Variants in LHFPL5 observed in about 807,000 individuals in gnomAD.
The protein encoded by LHFPL5 is LHFPL tetraspan subfamily member 5.
LHFPL5 carries 12 observed loss-of-function variants against 18.7 expected under a neutral mutation model. That is an observed-to-expected ratio of 0.64 (90% CI 0.41 to 1.04). The LOEUF is 1.04. Among genes scored for constraint, LHFPL5 ranks in the 50% least tolerant of loss-of-function variants. The pLI is 0.00. For synonymous variants in LHFPL5, 111 were observed against 120.2 expected, an observed-to-expected ratio of 0.92 and a Z score of 0.50; for missense variants, 259 against 292.1, an observed-to-expected ratio of 0.89 and a Z score of 0.83.
chr6:35,808,567 A>G (rs1251019402), intron 1 of LHFPL5, among the ~76,000 whole-genome samples: 2 of 10,352 alleles, frequency 1.9e-4, no homozygotes, highest in Non-Finnish European at 3.1e-4. Flanking sequence ...TTTTATACAT[A>G]TATATATATA....
intron 1 of LHFPL5, among the ~76,000 whole-genome samples, chr6:35,812,257 CCTT>C (rs778769765): frequency 2.6e-5 from 4 of 152,178 alleles, no homozygotes; most frequent in Non-Finnish European, 5.9e-5. Flanking sequence ...GACCTCCTGA[CCTT>C]CTTTGTAGAA....
At chr6:35,819,507 G>T (rs981838821) in intron 3 of LHFPL5, 44 bp downstream of exon 3, 2 of 1,578,810 alleles carry the variant, frequency 1.3e-6, no homozygotes, top group Admixed American at 3.4e-5. Flanking sequence ...CCTTAGAAAG[G>T]CTGGGGCTCT....
At chr6:35,812,585 G>T (rs374560445) in intron 1 of LHFPL5, among the ~76,000 whole-genome samples, 2 of 152,198 alleles carry the variant, frequency 1.3e-5, no homozygotes, top group African/African-American at 4.8e-5. Context: ...AGTCAAGTAA[G>T]GCACAGGGTG....
Position 35,814,609 on chromosome 6 carries a change from G to C in LHFPL5, c.476G>C (p.Arg159Pro), listed in dbSNP as rs139179263. Residue 159 changes from arginine to proline, a missense_variant, in exon 2 of 4, where the codon CGC becomes CCC. Transcript: ENST00000360215. This position sits in a 1 kb window ranked among gnomAD's most constrained non-coding sequence, Gnocchi z 4.2. ...PDGWDSSEVRRMCGEQTGKYT... is the reference protein window; with the variant it reads ...PDGWDSSEVRPMCGEQTGKYT... Reference sequence around the variant, plus strand: ...GGTTGGGACTCAAGTGAGGTGCGGCGCATGTGTGGGGAGCAGACGGGCAAG... The same window carrying C: ...GGTTGGGACTCAAGTGAGGTGCGGCCCATGTGTGGGGAGCAGACGGGCAAG... 2 of 1,614,074 alleles carry C rather than the reference G, an allele frequency of 1.2e-6. No homozygotes were observed. Among genetic ancestry groups the C allele is most frequent in the African/African-American group, 1.3e-5 (1 of 74,928 alleles).
chr6:35,807,526 C>A (rs995716491), intron 1 of LHFPL5, among the ~76,000 whole-genome samples: 2 of 152,084 alleles, frequency 1.3e-5, no homozygotes, highest in Non-Finnish European at 2.9e-5. Context: ...AGGAGTAGTG[C>A]CGGGGACTGG....
chr6:35,816,177 CAAAAA>C (rs60374883), intron 2 of LHFPL5, among the ~76,000 whole-genome samples: 1 of 60,576 alleles, frequency 1.7e-5, no homozygotes. Flanking sequence ...GACTCCGTCT[CAAAAA>C]AAAAAAAAAA....
rs1768911937 is a variant in LHFPL5, at chr6:35,823,438, CACATAT to C, written c.*475_*480del. Reference sequence around the variant, plus strand: ...ACACACACACACATACATACACACACACATATATATACACACACACACACACACACA... The same window carrying C: ...ACACACACACACATACATACACACACATATACACACACACACACACACACA... On this transcript the variant is annotated 3_prime_UTR_variant, in exon 4 of 4. Transcript: ENST00000360215. 8.5e-6 allele frequency: 1 copy of C among 117,932 alleles called. No individual in the cohort carries two copies. The highest frequency in any genetic ancestry group is 3.8e-5 in the African/African-American group (1 of 26,620). The allele number at this position is 117,932 out of a possible 1,614,324, so 7.3% of individuals were successfully genotyped here. A position where few individuals can be genotyped will look rare whatever the true frequency, so the allele number is the denominator to read the frequency against.
chr6:35,810,189 C>A (rs1481897264), intron 1 of LHFPL5, among the ~76,000 whole-genome samples: 1 of 152,152 alleles, frequency 6.6e-6, no homozygotes, highest in South Asian at 2.1e-4. Context: ...CAATCCCATT[C>A]GTGGAGGGCC....
chr6:35,822,115 CT>C (rs1768879296), intron 3 of LHFPL5, among the ~76,000 whole-genome samples: 1 of 151,912 alleles, frequency 6.6e-6, no homozygotes. Flanking sequence ...TCTCGAACTC[CT>C]GGGTTCAAGT....
At chr6:35,807,528 G>A (rs548600274) in intron 1 of LHFPL5, among the ~76,000 whole-genome samples, 11 of 152,088 alleles carry the variant, frequency 7.2e-5, no homozygotes, top group Non-Finnish European at 1.3e-4. Context: ...GAGTAGTGCC[G>A]GGGACTGGAA....
chr6:35,819,611 G>A (rs1768828777), intron 3 of LHFPL5, 148 bp downstream of exon 3: 1 of 759,084 alleles, frequency 1.3e-6, no homozygotes, highest in East Asian at 2.7e-5. Context: ...ACACCCCACT[G>A]GGGCAGGAGC....
chr6:35,815,402 C>A (rs1056822316), intron 2 of LHFPL5, among the ~76,000 whole-genome samples: 5 of 152,098 alleles, frequency 3.3e-5, no homozygotes, highest in Non-Finnish European at 5.9e-5. Context: ...CTTCCCATTA[C>A]TCCCTTCTTC....
intron 3 of LHFPL5, among the ~76,000 whole-genome samples, chr6:35,820,619 G>A (rs897598310): frequency 2.1e-4 from 32 of 152,036 alleles, no homozygotes; most frequent in South Asian, 2.1e-4. Flanking sequence ...AGAATGGTGT[G>A]AACCCAGGAG....
chr6:35,807,040 C>T (rs1161642181), intron 1 of LHFPL5, among the ~76,000 whole-genome samples: 1 of 152,116 alleles, frequency 6.6e-6, no homozygotes, highest in Admixed American at 6.6e-5. Context: ...GTTGCCCAGG[C>T]AGGTCTTGAA....
chr6:35,806,524 T>A (rs944492095), intron 1 of LHFPL5, among the ~76,000 whole-genome samples: 9 of 152,194 alleles, frequency 5.9e-5, no homozygotes, highest in African/African-American at 2.2e-4. Flanking sequence ...AAGCACATTC[T>A]AGATGCCTTC....
rs1458872576 is a variant in LHFPL5 at position 35,806,061 on chromosome 6, G to T, written c.391G>T (p.Ala131Ser). Reference sequence around the variant, plus strand: ...CACGGCCACAGTCTATAAGATCTGTGCATGGATGCAGCTGGCTGCGGGTAA... The same window carrying T: ...CACGGCCACAGTCTATAAGATCTGTTCATGGATGCAGCTGGCTGCGGGTAA... Reference protein sequence around the residue: ...CNTATVYKICAWMQLAAATGL... With the variant: ...CNTATVYKICSWMQLAAATGL... Residue 131 changes from alanine to serine, a missense_variant, in exon 1 of 4, where the codon GCA (alanine) becomes TCA (serine). By Grantham distance (99) the Ala-to-Ser change is moderately conservative. Transcript: ENST00000360215. 1 of 1,613,976 alleles carries T rather than the reference G, an allele frequency of 6.2e-7. No individual in the cohort carries two copies. The highest frequency in any genetic ancestry group is 1.3e-5 in the African/African-American group (1 of 74,928).
At position 35,823,799 on chromosome 6, in the gene LHFPL5, C is replaced by T. The variant is rs891642279; in HGVS notation, c.*834C>T. 2 of 152,038 alleles carry T rather than the reference C, an allele frequency of 1.3e-5. No individual in the cohort carries two copies. The highest frequency in any genetic ancestry group is 4.8e-5 in the African/African-American group (2 of 41,388). 9.4% of individuals were successfully genotyped at this position (152,038 alleles called of 1,614,324 possible). On this transcript the variant is annotated 3_prime_UTR_variant, in exon 4 of 4. Transcript: ENST00000360215. ...CCCACACTGACTCAACCAGAACTGG[C>T]TACCAGCTTCAGAAATGTGTTACTT...
chr6:35,806,663 A>G (rs1321695912), intron 1 of LHFPL5, among the ~76,000 whole-genome samples: 1 of 152,178 alleles, frequency 6.6e-6, no homozygotes, highest in Non-Finnish European at 1.5e-5. Flanking sequence ...ACTATTATGC[A>G]GGGTATGACC....
intron 1 of LHFPL5, among the ~76,000 whole-genome samples, chr6:35,808,524 G>GTA (rs139602455): frequency 0.04 from 4,827 of 120,496 alleles, 316 homozygotes; most frequent in African/African-American, 0.13. Context: ...AAAATATTGA[G>GTA]TATATATATA....
Sources: gnomAD v4.1 joint callset for allele counts (sites outside exome capture counted in the v4.1 genomes callset) on GRCh38, gnomAD v4.1.1 for gene constraint, Gnocchi (gnomAD v3.1) non-coding constraint, MANE v1.5 for transcripts, NCBI Gene and HGNC (gene_info 2026-07-23, HGNC 2026-07-21) for gene names.